Variants in SORCS1 observed in about 807,000 individuals in gnomAD.
The protein encoded by SORCS1 is VPS10 domain-containing receptor SorCS1.
Under a neutral mutation model 146.1 loss-of-function variants are expected in SORCS1, and 60 were observed. The observed-to-expected ratio is 0.41, with a 90% CI of 0.33 to 0.51. The LOEUF is 0.51. SORCS1 is among the 20% of genes least tolerant of loss of function. The pLI is 0.21. For synonymous variants in SORCS1, 637 were observed against 584.0 expected (o/e 1.09, Z -1.31); for missense variants, 1,352 against 1,487.6 (o/e 0.91, Z 1.50).
At chr10:107,055,400 C>A (rs1380875929) in intron 1 of SORCS1, among the ~76,000 whole-genome samples, 4 of 152,122 alleles carry the variant, frequency 2.6e-5, no homozygotes, top group African/African-American at 7.2e-5. Context: ...TAATACATGT[C>A]CAAAGTTTTC....
rs1564838013 is a variant in SORCS1, at chr10:106,944,871, C to CTTTTTTTTTTTTTTTTTTTTTTT, written c.626+11641_626+11642insAAAAAAAAAAAAAAAAAAAAAAA. Among the ~76,000 whole-genome samples the CTTTTTTTTTTTTTTTTTTTTTTT allele has an allele frequency of 1.1e-4, 7 of 61,022 alleles. 1 individual carries two copies. The highest frequency in any genetic ancestry group is 2.7e-4 in the African/African-American group (6 of 22,388). 40.0% of individuals were successfully genotyped at this position (61,022 alleles called of 152,430 possible). A position where few individuals can be genotyped will look rare whatever the true frequency, so the allele number is the denominator to read the frequency against. On this transcript the variant is annotated intron_variant, in intron 2 of 25. Transcript: ENST00000263054. ...ATGGTAGAAAGAAGCAAGAAAGAGC[C>CTTTTTTTTTTTTTTTTTTTTTTT]TTCTTTTTTTTTTTTTTTTTTTTTT...
intron 19 of SORCS1, among the ~76,000 whole-genome samples, chr10:106,623,274 ACT>A (rs1847870764): frequency 7.4e-6 from 1 of 135,704 alleles, no homozygotes; most frequent in Non-Finnish European, 1.5e-5. Flanking sequence ...ACAGAGTCTC[ACT>A]CTGTCGCTCA....
chr10:107,065,183 A>G (rs1456489947), intron 1 of SORCS1, among the ~76,000 whole-genome samples: 1 of 152,256 alleles, frequency 6.6e-6, no homozygotes, highest in African/African-American at 2.4e-5. Flanking sequence ...ATCATTTCTA[A>G]TATCTCTTCT....
chr10:106,881,382 C>G (rs11193090), intron 2 of SORCS1, among the ~76,000 whole-genome samples: 44,665 of 152,076 alleles, frequency 0.29, 7,864 homozygotes, highest in Non-Finnish European at 0.4. Context: ...TAATAAATAC[C>G]TATTCTTTTG....
rs563257779 is a variant in SORCS1 at position 107,147,586 on chromosome 10, G to A, written c.558+16383C>T. ...CACTTTTGTAGAACAATTTGGATGA[G>A]ACAACTCAGACAGATTATACTTCAA... On this transcript the variant is annotated intron_variant, in intron 1 of 25. Transcript: ENST00000263054. 5.3e-5 allele frequency among the ~76,000 whole-genome samples: 8 copies of A among 152,156 alleles called. No homozygotes were observed. In the South Asian group the frequency reaches 6.2e-4, roughly 12 times the overall value.
At chr10:106,695,287 A>T (rs1371431534) in intron 9 of SORCS1, among the ~76,000 whole-genome samples, 3 of 152,146 alleles carry the variant, frequency 2.0e-5, no homozygotes, top group Non-Finnish European at 4.4e-5. Flanking sequence ...CAAACTTCTG[A>T]TTCTCTTTAC....
chr10:107,111,361 A>G (rs751625240), intron 1 of SORCS1, among the ~76,000 whole-genome samples: 339 of 152,324 alleles, frequency 2.2e-3, no homozygotes, highest in Middle Eastern at 6.8e-3. Context: ...TTTAATAAAG[A>G]AATATAAACC....
intron 24 of SORCS1, among the ~76,000 whole-genome samples, chr10:106,595,492 C>T (rs1845851978): frequency 6.6e-6 from 1 of 152,062 alleles, no homozygotes; most frequent in African/African-American, 2.4e-5. Context: ...AACGGCACAC[C>T]CTGGCATGTT....
At chr10:106,977,822 TTTG>T (rs1162800158) in intron 1 of SORCS1, among the ~76,000 whole-genome samples, 5 of 152,218 alleles carry the variant, frequency 3.3e-5, no homozygotes, top group Non-Finnish European at 5.9e-5. Context: ...CGATAAATAA[TTTG>T]TTTAGTCCAA....
At chr10:107,064,648 T>C (rs1485980542) in intron 1 of SORCS1, among the ~76,000 whole-genome samples, 3 of 152,240 alleles carry the variant, frequency 2.0e-5, no homozygotes, top group Non-Finnish European at 2.9e-5. Flanking sequence ...AAGTGAGATC[T>C]ACTAAATTCT....
intron 1 of SORCS1, among the ~76,000 whole-genome samples, chr10:107,119,406 A>C (rs1468493892): frequency 2.0e-5 from 3 of 152,234 alleles, no homozygotes; most frequent in African/African-American, 7.2e-5. Flanking sequence ...GTTGCATTTC[A>C]AGAGTCTCTA....
intron 2 of SORCS1, among the ~76,000 whole-genome samples, chr10:106,878,649 T>TATATATATATATATATATATTTA (rs1491300730): frequency 7.3e-6 from 1 of 137,870 alleles, no homozygotes; most frequent in Non-Finnish European, 1.6e-5. Flanking sequence ...TATATATATA[T>TATATATATATATATATATATTTA]TTTATAGCAG....
chr10:106,883,626 G>A (rs1156634922), intron 2 of SORCS1, among the ~76,000 whole-genome samples: 1 of 152,006 alleles, frequency 6.6e-6, no homozygotes, highest in Non-Finnish European at 1.5e-5. Flanking sequence ...TGTTAGCCAG[G>A]ATGGTCTCGA....
At chr10:106,850,129 C>A (rs566249879) in intron 2 of SORCS1, among the ~76,000 whole-genome samples, 185 of 151,570 alleles carry the variant, frequency 1.2e-3, no homozygotes, top group African/African-American at 4.0e-3. Flanking sequence ...TCGAGCTTCC[C>A]GGCTGCTTTG....
chr10:106,612,076 G>A (rs996327701), intron 21 of SORCS1, 53 bp from the exon 22 acceptor site: 1 of 1,405,142 alleles, frequency 7.1e-7, no homozygotes, highest in Middle Eastern at 1.8e-4. Flanking sequence ...CCTGTCAAGA[G>A]GTTTGTTAGA....
chr10:106,979,126 G>A (rs1589839479), intron 1 of SORCS1, among the ~76,000 whole-genome samples: 1 of 152,116 alleles, frequency 6.6e-6, no homozygotes, highest in East Asian at 1.9e-4. Context: ...AAGAAAAGTT[G>A]TTCCAGGAAA....
intron 2 of SORCS1, among the ~76,000 whole-genome samples, chr10:106,897,616 A>G (rs1323908304): frequency 6.6e-6 from 1 of 152,060 alleles, no homozygotes; most frequent in African/African-American, 2.4e-5. Context: ...CTGTGTGTGT[A>G]CATGTATGTG....
At chr10:106,652,266 T>A (rs1849921246) in intron 18 of SORCS1, 116 bp downstream of exon 18, 14 of 1,136,280 alleles carry the variant, frequency 1.2e-5, no homozygotes, top group Admixed American at 5.9e-5. Context: ...AAAATAAAAA[T>A]TTTTAAATAG....
chr10:107,048,612 T>C (rs778068164), intron 1 of SORCS1, among the ~76,000 whole-genome samples: 1 of 152,208 alleles, frequency 6.6e-6, no homozygotes, highest in African/African-American at 2.4e-5. Flanking sequence ...GAATATTTTA[T>C]GGCGTACGTG....
Sources: gnomAD v4.1 joint callset for allele counts (sites outside exome capture counted in the v4.1 genomes callset) on GRCh38, gnomAD v4.1.1 for gene constraint, MANE v1.5 for transcripts, NCBI Gene and HGNC (gene_info 2026-07-23, HGNC 2026-07-21) for gene names.